The following SND1 variants were observed in gnomAD, a reference collection of about 807,000 sequenced individuals.
SND1 encodes the protein staphylococcal nuclease and tudor domain containing 1, also known as staphylococcal nuclease domain-containing protein 1.
A neutral mutation model predicts 121.7 loss-of-function variants in SND1; 38 were observed. That is an observed-to-expected ratio of 0.31 (90% CI 0.24 to 0.41). SND1 has a LOEUF of 0.41. Ranked by LOEUF, SND1 falls within the 10% of genes least tolerant of loss-of-function variation. SND1 has a pLI of 1.00. For missense variants in SND1, 868 were observed against 1,184.6 expected, an observed-to-expected ratio of 0.73 and a Z score of 3.92; for synonymous variants, 401 against 447.4, an observed-to-expected ratio of 0.90 and a Z score of 1.31.
Position 127,851,364 on chromosome 7 carries a change from TTA to T in SND1, c.1343+6942_1343+6943del, listed in dbSNP as rs370368326. On this transcript the variant is annotated intron_variant, in intron 12 of 23. Coordinates refer to ENST00000354725, the MANE Select transcript of SND1 (RefSeq NM_014390.4). ...GAGTAAGGCTTTTCCCCAAATCTGT[TTA>T]TGTTGTAACTTTTGCTTCATGTCTC... is the stretch of plus-strand genomic sequence containing the variant. 2.5e-3 allele frequency among the ~76,000 whole-genome samples: 374 copies of T among 152,336 alleles called. 2 individuals carry two copies. Among genetic ancestry groups the T allele is most frequent in the African/African-American group, 8.6e-3 (358 of 41,564 alleles).
At chr7:127,668,528 A>G (rs1172183257) in intron 1 of SND1, among the ~76,000 whole-genome samples, 1 of 152,254 alleles carries the variant, frequency 6.6e-6, no homozygotes, top group East Asian at 1.9e-4. Flanking sequence ...AGCCCAGAAC[A>G]AGACCAGGAA....
chr7:127,930,340 C>G (rs1800936135), intron 15 of SND1, among the ~76,000 whole-genome samples: 1 of 152,164 alleles, frequency 6.6e-6, no homozygotes, highest in Non-Finnish European at 1.5e-5. Context: ...CCTGCCAGAT[C>G]GCCTTGGCCT....
intron 16 of SND1, chr7:128,030,143 G>T (rs1156618008): frequency 2.5e-6 from 4 of 1,614,106 alleles, no homozygotes; most frequent in Non-Finnish European, 3.4e-6. Context: ...CCCGGTTGAA[G>T]GCGTAAGAGG....
intron 15 of SND1, among the ~76,000 whole-genome samples, chr7:127,940,942 T>C (rs1801184738): frequency 1.3e-5 from 2 of 152,244 alleles, no homozygotes. Context: ...GACCACAGAA[T>C]GCACTTCCTC....
intron 12 of SND1, among the ~76,000 whole-genome samples, chr7:127,860,788 T>C (rs1799363363): frequency 6.6e-6 from 1 of 152,314 alleles, no homozygotes; most frequent in Middle Eastern, 3.4e-3. Flanking sequence ...GTAATAAATA[T>C]TTGTGTATCT....
At chr7:127,768,533 A>T (rs778451487) in intron 10 of SND1, among the ~76,000 whole-genome samples, 13 of 152,200 alleles carry the variant, frequency 8.5e-5, no homozygotes, top group Non-Finnish European at 1.0e-4. Context: ...AATGTTTTCA[A>T]ATGAAGGGAT....
chr7:128,014,540 G>A (rs538510278), intron 16 of SND1, among the ~76,000 whole-genome samples: 29 of 152,172 alleles, frequency 1.9e-4, no homozygotes, highest in Non-Finnish European at 3.4e-4. Flanking sequence ...TCCCAAAGGC[G>A]GGTGGGAAGG....
At chr7:128,062,936 C>T (rs910364031) in intron 16 of SND1, among the ~76,000 whole-genome samples, 1 of 152,224 alleles carries the variant, frequency 6.6e-6, no homozygotes, top group African/African-American at 2.4e-5. Context: ...TGACTTGTAG[C>T]TTCCAGCCGT....
chr7:128,037,131 G>T lies in SND1; in HGVS notation c.1780-37371G>T, dbSNP rs1792764305. Among the ~76,000 whole-genome samples, 2 of 152,190 alleles carry T rather than the reference G, an allele frequency of 1.3e-5. 1 individual carries two copies. Among genetic ancestry groups the T allele is most frequent in the South Asian group, 4.1e-4 (2 of 4,826 alleles). On this transcript the variant is annotated intron_variant, in intron 16 of 23. Transcript: ENST00000354725. ...CATAACAAATCACCACATAGTTGGTGATTTAAAGCAGAAATATATTCTCTC... is the reference window on the plus strand; with the variant it reads ...CATAACAAATCACCACATAGTTGGTTATTTAAAGCAGAAATATATTCTCTC...
chr7:128,024,390 CCT>C (rs999490225), intron 16 of SND1, among the ~76,000 whole-genome samples: 4 of 152,186 alleles, frequency 2.6e-5, no homozygotes, highest in African/African-American at 9.6e-5. Context: ...TATAAATGTT[CCT>C]CTCTCTCTTC....
chr7:127,678,745 GCT>G (rs1795657726), intron 1 of SND1, among the ~76,000 whole-genome samples: 2 of 152,180 alleles, frequency 1.3e-5, no homozygotes, highest in African/African-American at 4.8e-5. Flanking sequence ...GGAGGCAACA[GCT>G]CTGACTGCCA....
chr7:127,975,273 T>A (rs1294129877), intron 15 of SND1, among the ~76,000 whole-genome samples: 1 of 152,150 alleles, frequency 6.6e-6, no homozygotes, highest in African/African-American at 2.4e-5. Context: ...CACCCCAGTA[T>A]TGAGTTGAGT....
intron 12 of SND1, among the ~76,000 whole-genome samples, chr7:127,852,403 G>A (rs1035872175): frequency 2.7e-5 from 4 of 149,014 alleles, no homozygotes; most frequent in East Asian, 4.0e-4. Context: ...CAGGAGAATC[G>A]CTTGAACCCT....
At chr7:127,826,278 G>T (rs1376649330) in intron 11 of SND1, among the ~76,000 whole-genome samples, 5 of 151,946 alleles carry the variant, frequency 3.3e-5, no homozygotes, top group African/African-American at 4.8e-5. Flanking sequence ...ATGGCTTTAT[G>T]TTATTTTATT....
chr7:127,904,606 T>C, intron 13 of SND1, 141 bp from the exon 14 acceptor site: 1 of 561,088 alleles, frequency 1.8e-6, no homozygotes, highest in South Asian at 2.3e-5. Context: ...ACAGACTGGC[T>C]ACTCAGCAGT....
intron 16 of SND1, chr7:128,028,666 T>C: frequency 1.3e-6 from 2 of 1,596,494 alleles, no homozygotes; most frequent in Non-Finnish European, 1.7e-6. Flanking sequence ...ATAAGTTTTT[T>C]GGGGGAGGGG....
Position 127,799,939 on chromosome 7 carries a change from A to G in SND1, c.1153-7545A>G, listed in dbSNP as rs186978086. 7.2e-5 allele frequency among the ~76,000 whole-genome samples: 11 copies of G among 152,346 alleles called. No homozygotes were observed. The East Asian group carries it at 2.1e-3, about 29-fold the overall frequency. On this transcript the variant is annotated intron_variant, in intron 10 of 23. Coordinates refer to ENST00000354725, the MANE Select transcript of SND1 (RefSeq NM_014390.4). Reference sequence around the variant, plus strand: ...ATACCTTCTATTCGGCCAGGTGGTCACAATTTTAAACCTTCCTCCTGCTGC... The same window carrying G: ...ATACCTTCTATTCGGCCAGGTGGTCGCAATTTTAAACCTTCCTCCTGCTGC...
chr7:127,719,947 A>G lies in SND1; in HGVS notation c.1039-1340A>G, dbSNP rs148465203. Among the ~76,000 whole-genome samples the G allele has an allele frequency of 5.3e-5, 8 of 152,042 alleles. No individual in the cohort carries two copies. The East Asian group carries it at 7.7e-4, about 15-fold the overall frequency. On this transcript the variant is annotated intron_variant, in intron 9 of 23. Transcript: ENST00000354725. ...AATTTCTCACTTGTTTATGTTTTCT[A>G]TCCTTCTTGAGATTGTTTCTTAAGG...
chr7:128,023,033 G>A (rs1803393673), intron 16 of SND1, among the ~76,000 whole-genome samples: 2 of 152,112 alleles, frequency 1.3e-5, no homozygotes, highest in Non-Finnish European at 2.9e-5. Context: ...TCTGTTTCAT[G>A]CCATGAATTT....
Sources: allele counts gnomAD v4.1 joint callset (sites outside exome capture counted in the v4.1 genomes callset), GRCh38; gene constraint gnomAD v4.1.1; transcripts MANE v1.5; gene names NCBI Gene and HGNC (gene_info 2026-07-23, HGNC 2026-07-21).